Variants in CAPN2 observed in about 807,000 individuals in gnomAD.
The protein encoded by CAPN2 is calpain 2, also known as calpain-2 catalytic subunit.
CAPN2 carries 92 observed loss-of-function variants against 102.3 expected under a neutral mutation model. The ratio of observed to expected loss-of-function variants is 0.90; its 90% confidence interval spans 0.76 to 1.07. The LOEUF is 1.07. Ranked by LOEUF, CAPN2 falls within the 50% of genes least tolerant of loss-of-function variation. CAPN2 has a pLI of 0.00. For missense variants in CAPN2, 800 were observed against 909.4 expected (o/e 0.88, Z 1.55); for synonymous variants, 340 against 355.4 (o/e 0.96, Z 0.49).
intron 11 of CAPN2, chr1:223,758,510 C>T (rs1225654285): frequency 6.6e-6 from 1 of 152,302 alleles, no homozygotes; most frequent in Non-Finnish European, 1.5e-5. Context: ...CACGTAGAAC[C>T]GAGCCAGGTT....
At chr1:223,738,751 C>T (rs1037952217) in intron 2 of CAPN2, among the ~76,000 whole-genome samples, 5 of 152,222 alleles carry the variant, frequency 3.3e-5, no homozygotes, top group African/African-American at 1.2e-4. Context: ...GAGGAGGAAG[C>T]GTGGCTGAGT....
intron 1 of CAPN2, among the ~76,000 whole-genome samples, chr1:223,703,854 C>T (rs1280931930): frequency 2.0e-5 from 3 of 152,302 alleles, no homozygotes; most frequent in South Asian, 4.1e-4. Flanking sequence ...AAAATATACA[C>T]ATTATAACTC....
chr1:223,707,258 C>T (rs1416901065), intron 1 of CAPN2, among the ~76,000 whole-genome samples: 1 of 151,186 alleles, frequency 6.6e-6, no homozygotes, highest in African/African-American at 2.4e-5. Context: ...CTCTCTTCTT[C>T]TCTCTCTCTC....
intron 1 of CAPN2, among the ~76,000 whole-genome samples, chr1:223,716,973 A>C (rs899237744): frequency 2.0e-5 from 3 of 152,110 alleles, no homozygotes; most frequent in Non-Finnish European, 4.4e-5. Flanking sequence ...TTATCTGTGA[A>C]CTGTGTTAAC....
chr1:223,707,790 TTC>T (rs1260754700), upstream of CAPN2, among the ~76,000 whole-genome samples: 2 of 152,172 alleles, frequency 1.3e-5, no homozygotes, highest in African/African-American at 2.4e-5. Context: ...TGTGCAAAGC[TTC>T]TGAGTTGACT....
rs1275719606 is a variant in CAPN2 at position 223,712,724 on chromosome 1, C to T, written c.84C>T (p.Leu28=). 1 of 1,587,106 alleles carries T rather than the reference C, an allele frequency of 6.3e-7. No homozygotes were observed. The highest frequency in any genetic ancestry group is 1.2e-5 in the South Asian group (1 of 86,938). ...LGSHDRAIKY[L]NQDYEALRNE... is the part of the protein sequence containing the mutation. ...CCCACGACAGGGCCATCAAGTACCT[C>T]AACCAGGACTACGAGGCGCTGCGGA... Residue 28 remains leucine, a synonymous_variant, in exon 1 of 21, where the codon CTC becomes CTT. Coordinates refer to ENST00000295006, the MANE Select transcript of CAPN2 (RefSeq NM_001748.5).
At chr1:223,730,599 G>A (rs1660314762) in intron 2 of CAPN2, among the ~76,000 whole-genome samples, 1 of 152,146 alleles carries the variant, frequency 6.6e-6, no homozygotes. Flanking sequence ...AGTGTGGTTG[G>A]AATTTGGTAT....
Position 223,761,692 on chromosome 1 carries a change from G to C in CAPN2, c.1566+75G>C, listed in dbSNP as rs1661189604. On this transcript the variant is annotated intron_variant, in intron 13 of 20. Transcript: ENST00000295006. ...GAGCAGAGGAGCAAAAAAACTCCAA[G>C]AGTTTTTGGACTTCACGAACAAAGC... is the stretch of plus-strand genomic sequence containing the variant. 3 of 1,250,082 alleles carry C rather than the reference G, an allele frequency of 2.4e-6. No individual in the cohort carries two copies. The South Asian group carries it at 3.9e-5, about 16-fold the overall frequency. The allele number at this position is 1,250,082 out of a possible 1,614,324, so 77.4% of individuals were successfully genotyped here. A position where few individuals can be genotyped will look rare whatever the true frequency, so the allele number is the denominator to read the frequency against.
At chr1:223,718,116 C>T (rs980853764) in intron 2 of CAPN2, among the ~76,000 whole-genome samples, 1 of 152,196 alleles carries the variant, frequency 6.6e-6, no homozygotes, top group African/African-American at 2.4e-5. Context: ...ATGTCAGCCA[C>T]CCCTTGGTAT....
chr1:223,722,192 C>A (rs1397619674), intron 2 of CAPN2, among the ~76,000 whole-genome samples: 2 of 150,962 alleles, frequency 1.3e-5, no homozygotes, highest in African/African-American at 4.9e-5. Context: ...ACAAAGGGGT[C>A]AGATGTGCAT....
Position 223,756,640 on chromosome 1 carries a change from C to T in CAPN2, c.1306-729C>T, listed in dbSNP as rs911332285. ...GAGGCTCTGTGCTCACCACTGGCAA[C>T]GTTGCCACCCATGGAACACTGACTT... is the stretch of plus-strand genomic sequence containing the variant. On this transcript the variant is annotated intron_variant, in intron 10 of 20. Transcript: ENST00000295006. The surrounding 1 kb of genome is among the most constrained non-coding windows in gnomAD (Gnocchi z 4.1). 4.6e-5 allele frequency among the ~76,000 whole-genome samples: 7 copies of T among 152,194 alleles called. No homozygotes were observed. Among genetic ancestry groups the T allele is most frequent in the East Asian group, 1.9e-4 (1 of 5,188 alleles).
upstream of CAPN2, chr1:223,712,345 G>A (rs1304457874): frequency 2.8e-6 from 2 of 704,320 alleles, no homozygotes; most frequent in Non-Finnish European, 3.5e-6. Flanking sequence ...CCCCGGCGCC[G>A]GGCCGCGCCA....
At position 223,712,860 on chromosome 1, in the gene CAPN2, G is replaced by A. The variant is rs142691066; in HGVS notation, c.220G>A (p.Glu74Lys). Residue 74 changes from glutamate to lysine, a missense_variant, in exon 1 of 21, where the codon GAG (glutamate) becomes AAG (lysine). By Grantham distance (56) the Glu-to-Lys change is moderately conservative. Coordinates refer to ENST00000295006, the MANE Select transcript of CAPN2 (RefSeq NM_001748.5). ...CTACTCCAGCAAAACCCGGGGCATCGAGTGGAAGCGCCCCACGGTAGGAAG... is the reference window on the plus strand; with the variant it reads ...CTACTCCAGCAAAACCCGGGGCATCAAGTGGAAGCGCCCCACGGTAGGAAG... ...GPYSSKTRGI[E>K]WKRPTEICAD... is the part of the protein sequence containing the mutation. 7.8e-4 allele frequency: 1,199 copies of A among 1,542,200 alleles called. 2 individuals are homozygous for A. The highest frequency in any genetic ancestry group is 9.6e-4 in the Non-Finnish European group (1,095 of 1,145,984).
At chr1:223,706,609 A>C (rs1659611753) in intron 1 of CAPN2, among the ~76,000 whole-genome samples, 3 of 152,160 alleles carry the variant, frequency 2.0e-5, no homozygotes, top group African/African-American at 7.2e-5. Context: ...ACAACACAAC[A>C]TGTCAGCTGC....
chr1:223,751,893 C>A, intron 7 of CAPN2, 104 bp from the exon 8 acceptor site: 1 of 731,052 alleles, frequency 1.4e-6, no homozygotes, highest in East Asian at 2.6e-5. Context: ...TTTCTGGAGC[C>A]TGAGCCCTCA....
intron 16 of CAPN2, among the ~76,000 whole-genome samples, chr1:223,766,640 CT>C (rs1313178170): frequency 3.3e-5 from 5 of 152,328 alleles, no homozygotes; most frequent in South Asian, 2.1e-4. Flanking sequence ...TACACCCCCC[CT>C]CCCACCTACC....
At chr1:223,713,281 T>C (rs1028601920) in intron 1 of CAPN2, among the ~76,000 whole-genome samples, 8 of 152,160 alleles carry the variant, frequency 5.3e-5, no homozygotes, top group Admixed American at 2.0e-4. Context: ...AGGCAGCATC[T>C]ACCAGACAAA....
Position 223,755,542 on chromosome 1 carries a change from G to A in CAPN2, c.1198G>A (p.Asp400Asn). 6.2e-7 allele frequency: 1 copy of A among 1,614,114 alleles called. No homozygotes were observed. Among genetic ancestry groups the A allele is most frequent in the Non-Finnish European group, 8.5e-7 (1 of 1,180,030 alleles). ...KLEEEDEDEE[D>N]GESGCTFLVG... ...GGAGGAGGAGGATGAGGACGAGGAGGATGGGGAGAGCGGCTGCACCTTCCT... is the reference window on the plus strand; with the variant it reads ...GGAGGAGGAGGATGAGGACGAGGAGAATGGGGAGAGCGGCTGCACCTTCCT... The change falls in exon 10 of 21, where the codon GAT (aspartate) becomes AAT (asparagine). Residue 400 changes from aspartate (D) to asparagine (N), a missense_variant. Transcript: ENST00000295006. This position sits in a 1 kb window ranked among gnomAD's most constrained non-coding sequence, Gnocchi z 4.1.
chr1:223,708,423 TA>T (rs35955532), upstream of CAPN2, among the ~76,000 whole-genome samples: 955 of 135,538 alleles, frequency 7.0e-3, 7 homozygotes, highest in Middle Eastern at 0.028. Flanking sequence ...AAACTCTGTT[TA>T]AAAAAAAAAA....
Sources: allele counts gnomAD v4.1 joint callset (sites outside exome capture counted in the v4.1 genomes callset), GRCh38; gene constraint gnomAD v4.1.1; non-coding constraint Gnocchi (gnomAD v3.1); transcripts MANE v1.5; gene names NCBI Gene and HGNC (gene_info 2026-07-23, HGNC 2026-07-21).